Variants in SLC25A37 observed in about 807,000 individuals in gnomAD.
SLC25A37 encodes the protein mitoferrin-1.
Under a neutral mutation model 31.0 loss-of-function variants are expected in SLC25A37, and 17 were observed. That is an observed-to-expected ratio of 0.55 (90% CI 0.38 to 0.82). SLC25A37 has a LOEUF of 0.82. Among genes scored for constraint, SLC25A37 ranks in the 40% least tolerant of loss-of-function variants. The pLI, the probability that SLC25A37 is intolerant of heterozygous loss-of-function variation, is 0.00. For synonymous variants in SLC25A37, 222 were observed against 193.0 expected, an observed-to-expected ratio of 1.15 and a Z score of -1.24; for missense variants, 404 against 465.8, an observed-to-expected ratio of 0.87 and a Z score of 1.22.
chr8:23,547,909 C>T (rs898153840), intron 1 of SLC25A37, among the ~76,000 whole-genome samples: 1 of 152,188 alleles, frequency 6.6e-6, no homozygotes, highest in African/African-American at 2.4e-5. Flanking sequence ...GTTTACAGCT[C>T]TCTGACTCCT....
At position 23,574,044 on chromosome 8, in the gene SLC25A37, C is replaced by G; in HGVS notation, c.*2189C>G. On this transcript the variant is annotated 3_prime_UTR_variant, in exon 4 of 4. Transcript: ENST00000519973. The stretch of plus-strand genomic sequence containing the variant: ...TTGTAAAAAAATTATCCTACCACCC[C>G]TTTTGGTCCACTTAAGATATGCCAC... 1 of 355,786 alleles carries G rather than the reference C, an allele frequency of 2.8e-6. No homozygotes were observed. The highest frequency in any genetic ancestry group is 5.7e-6 in the Non-Finnish European group (1 of 175,048). The allele number at this position is 355,786 out of a possible 1,614,324, so 22.0% of individuals were successfully genotyped here.
intron 1 of SLC25A37, among the ~76,000 whole-genome samples, chr8:23,550,683 G>C (rs2117419272): frequency 6.6e-6 from 1 of 152,358 alleles, no homozygotes; most frequent in East Asian, 1.9e-4. Flanking sequence ...GGCAGAGCTG[G>C]ACAGAATTTA....
chr8:23,571,471 C>T lies in SLC25A37; in HGVS notation c.633C>T (p.Phe211=), dbSNP rs1288389420. 2 of 1,613,926 alleles carry T rather than the reference C, an allele frequency of 1.2e-6. No homozygotes were observed. Among genetic ancestry groups the T allele is most frequent in the Non-Finnish European group, 1.7e-6 (2 of 1,179,912 alleles). Residue 211 remains phenylalanine, a synonymous_variant, in exon 4 of 4, where the codon TTC becomes TTT. Coordinates refer to ENST00000519973, the MANE Select transcript of SLC25A37 (RefSeq NM_016612.4). ...CGCAGCTGACCATGAACATCCCCTT[C>T]CAGTCCATCCACTTCATCACCTATG... ...YTTQLTMNIP[F]QSIHFITYEF... is the part of the protein sequence containing the mutation.
intron 1 of SLC25A37, among the ~76,000 whole-genome samples, chr8:23,561,326 G>A (rs1235655833): frequency 3.9e-5 from 6 of 152,102 alleles, no homozygotes; most frequent in Admixed American, 2.6e-4. Flanking sequence ...GGGAGGGGGT[G>A]AGAAATCAGT....
In SLC25A37 at chr8:23,573,724, A is replaced by T. The variant is rs1486847769; in HGVS notation, c.*1869A>T. 2.3e-6 allele frequency: 1 copy of T among 441,136 alleles called. No homozygotes were observed. The highest frequency in any genetic ancestry group is 4.6e-6 in the Non-Finnish European group (1 of 215,362). 27.3% of individuals were successfully genotyped at this position (441,136 alleles called of 1,614,324 possible). A position where few individuals can be genotyped will look rare whatever the true frequency, so the allele number is the denominator to read the frequency against. ...GGGATGGGAAAGAGCCAAACTGGGTACCTCCCACGTGTGCCCCGTGAACAG... is the reference window on the plus strand; with the variant it reads ...GGGATGGGAAAGAGCCAAACTGGGTTCCTCCCACGTGTGCCCCGTGAACAG... On this transcript the variant is annotated 3_prime_UTR_variant, in exon 4 of 4. Coordinates refer to ENST00000519973, the MANE Select transcript of SLC25A37 (RefSeq NM_016612.4).
At chr8:23,566,743 C>T in intron 2 of SLC25A37, 3 of 998,332 alleles carry the variant, frequency 3.0e-6, no homozygotes, top group Non-Finnish European at 3.6e-6. Flanking sequence ...ATCTGGACAG[C>T]TTCTTTGAGA....
intron 2 of SLC25A37, chr8:23,567,818 C>G (rs1802705571): frequency 7.1e-6 from 1 of 140,340 alleles, no homozygotes; most frequent in Non-Finnish European, 1.5e-5. Context: ...TTCCTCTTCT[C>G]TTGCCCAGTT....
rs1563267566 is a variant in SLC25A37, at chr8:23,568,222, C to T, written c.440-100C>T. 3.0e-6 allele frequency: 4 copies of T among 1,334,590 alleles called. No homozygotes were observed. The South Asian group carries it at 4.7e-5, about 16-fold the overall frequency. 82.7% of individuals were successfully genotyped at this position (1,334,590 alleles called of 1,614,324 possible). A position where few individuals can be genotyped will look rare whatever the true frequency, so the allele number is the denominator to read the frequency against. Reference sequence around the variant, plus strand: ...GCGGAGCTGGTAGTACATTTTGCTTCTTAGAAAGCTAAGTCCTGGGTTCCG... The same window carrying T: ...GCGGAGCTGGTAGTACATTTTGCTTTTTAGAAAGCTAAGTCCTGGGTTCCG... On this transcript the variant is annotated intron_variant, in intron 2 of 3. Coordinates refer to ENST00000519973, the MANE Select transcript of SLC25A37 (RefSeq NM_016612.4).
intron 1 of SLC25A37, among the ~76,000 whole-genome samples, chr8:23,555,773 T>C (rs1802347828): frequency 6.6e-6 from 1 of 152,182 alleles, no homozygotes; most frequent in Non-Finnish European, 1.5e-5. Context: ...TTCGGGGACA[T>C]TGGTGGAAAG....
intron 1 of SLC25A37, among the ~76,000 whole-genome samples, chr8:23,565,775 A>G (rs1256594962): frequency 6.6e-6 from 1 of 152,234 alleles, no homozygotes; most frequent in Non-Finnish European, 1.5e-5. Context: ...GCTGCTTGCA[A>G]CAACCCTGTT....
At chr8:23,552,600 CTGTT>C (rs1802256683) in intron 1 of SLC25A37, among the ~76,000 whole-genome samples, 3 of 152,302 alleles carry the variant, frequency 2.0e-5, no homozygotes, top group African/African-American at 7.2e-5. Context: ...TCTTTATTGA[CTGTT>C]TGACGCCCTT....
chr8:23,572,045 G>A lies in SLC25A37; in HGVS notation c.*190G>A. 1.6e-6 allele frequency: 1 copy of A among 631,164 alleles called. No homozygotes were observed. The highest frequency in any genetic ancestry group is 2.7e-6 in the Non-Finnish European group (1 of 373,108). 39.1% of individuals were successfully genotyped at this position (631,164 alleles called of 1,614,324 possible). On this transcript the variant is annotated 3_prime_UTR_variant, in exon 4 of 4. Transcript: ENST00000519973. ...AAGGCTGTGTGCGGGGACATCCGAG[G>A]TGGTGGTGGACAGGAAGGACTTGGG... is the stretch of plus-strand genomic sequence containing the variant.
At chr8:23,548,477 C>CTTTTTT in intron 1 of SLC25A37, among the ~76,000 whole-genome samples, 1 of 116,028 alleles carries the variant, frequency 8.6e-6, no homozygotes, top group Non-Finnish European at 1.7e-5. Context: ...CACGTCCGGG[C>CTTTTTT]TTTTTTTTTT....
chr8:23,552,588 G>C (rs891290545), intron 1 of SLC25A37, among the ~76,000 whole-genome samples: 2 of 152,104 alleles, frequency 1.3e-5, no homozygotes, highest in Admixed American at 1.3e-4. Flanking sequence ...TTACCTGGGA[G>C]GTCTTTATTG....
chr8:23,544,602 G>A (rs962016693), intron 1 of SLC25A37, among the ~76,000 whole-genome samples: 4 of 152,138 alleles, frequency 2.6e-5, no homozygotes. Context: ...TCACGGGGAG[G>A]AGTTGGGAAA....
chr8:23,562,127 TCAGGGCTCCAGC>T (rs2117445152), intron 1 of SLC25A37, among the ~76,000 whole-genome samples: 1 of 151,722 alleles, frequency 6.6e-6, no homozygotes, highest in Admixed American at 6.6e-5. Context: ...GCTGGAAACC[TCAGGGCTCCAGC>T]CAGGGCTCAT....
intron 1 of SLC25A37, among the ~76,000 whole-genome samples, chr8:23,565,839 C>G (rs921398109): frequency 1.3e-5 from 2 of 152,228 alleles, no homozygotes; most frequent in African/African-American, 4.8e-5. Flanking sequence ...ACACAACTTG[C>G]CAGTGGCAGG....
At position 23,529,032 on chromosome 8, in the gene SLC25A37, C is replaced by T. The variant is rs1186156725; in HGVS notation, c.30C>T (p.Ser10=). The T allele has an allele frequency of 8.4e-6, 13 of 1,548,830 alleles. No individual in the cohort carries two copies. The Admixed American group carries it at 2.2e-4, about 26-fold the overall frequency. MELRSGSVG[S]QAVARRMDGD... is the part of the protein sequence containing the mutation. ...AGCTGCGCAGCGGGAGCGTGGGCAGCCAGGCGGTGGCGCGGAGGATGGATG... is the reference window on the plus strand; with the variant it reads ...AGCTGCGCAGCGGGAGCGTGGGCAGTCAGGCGGTGGCGCGGAGGATGGATG... Residue 10 remains serine, a synonymous_variant, in exon 1 of 4, where the codon AGC becomes AGT. Coordinates refer to ENST00000519973, the MANE Select transcript of SLC25A37 (RefSeq NM_016612.4). The surrounding 1 kb of genome is among the most constrained non-coding windows in gnomAD (Gnocchi z 4.1).
In SLC25A37 at chr8:23,571,406, A is replaced by G. The variant is rs1436582418; in HGVS notation, c.568A>G (p.Arg190Gly). Residue 190 changes from arginine (R) to glycine (G), a missense_variant, in exon 4 of 4, where the codon AGG becomes GGG. Physicochemically the swap from Arg to Gly is moderately radical, Grantham distance 125. Around this residue, in one of 3 missense-constraint regions of SLC25A37, gnomAD observed 243 missense variants for 284.4 expected, o/e 0.85. Transcript: ENST00000519973. ...AATCAGCTGCATCCGGACGGTGTGG[A>G]GGACCGAGGGGTTGGGGGCCTTCTA... ...SAISCIRTVW[R>G]TEGLGAFYRS... 1.2e-6 allele frequency: 2 copies of G among 1,613,642 alleles called. No individual in the cohort carries two copies. Among genetic ancestry groups the G allele is most frequent in the Admixed American group, 3.3e-5 (2 of 60,000 alleles).
Sources: allele counts gnomAD v4.1 joint callset (sites outside exome capture counted in the v4.1 genomes callset), GRCh38; gene constraint gnomAD v4.1.1; regional missense constraint gnomAD v4.1.1; non-coding constraint Gnocchi (gnomAD v3.1); transcripts MANE v1.5; gene names NCBI Gene and HGNC (gene_info 2026-07-23, HGNC 2026-07-21).